The following PTP4A1 variants were observed in gnomAD, a reference collection of about 807,000 sequenced individuals.
The protein encoded by PTP4A1 is protein tyrosine phosphatase type IVA 1.
Under a neutral mutation model 20.5 loss-of-function variants are expected in PTP4A1, and 9 were observed. The observed-to-expected ratio is 0.44, with a 90% CI of 0.26 to 0.77. The LOEUF is 0.77. Among genes scored for constraint, PTP4A1 ranks in the 30% least tolerant of loss-of-function variants. PTP4A1 has a pLI of 0.19. For missense variants in PTP4A1, 137 were observed against 218.8 expected (o/e 0.63, Z 2.36); for synonymous variants, 78 against 67.4 (o/e 1.16, Z -0.77).
At chr6:63,578,366 C>T in intron 2 of PTP4A1, 71 bp from the exon 3 acceptor site, 1 of 1,489,538 alleles carries the variant, frequency 6.7e-7, no homozygotes, top group African/African-American at 1.4e-5. Context: ...CAGAGATGAT[C>T]AGAATATAAA....
At chr6:63,552,139 ACTAGTTTACAGTCCCACCAACAGT>A in intron 3 of PTP4A1, among the ~76,000 whole-genome samples, 1 of 152,278 alleles carries the variant, frequency 6.6e-6, no homozygotes, top group Admixed American at 6.5e-5. Flanking sequence ...CAATGGTTGA[ACTAGTTTACAGTCCCACCAACAGT>A]GTAAAAGTGT....
intron 2 of PTP4A1, 39 bp from the exon 3 acceptor site, chr6:63,578,398 G>T (rs1375042734): frequency 6.3e-7 from 1 of 1,587,138 alleles, no homozygotes; most frequent in Admixed American, 1.9e-5. Flanking sequence ...TAGTGATGTG[G>T]TTAAACATTA....
In PTP4A1 at chr6:63,572,548, C is replaced by G. The variant is rs1238846965; in HGVS notation, c.-617C>G. The G allele has an allele frequency of 1.8e-5, 7 of 397,884 alleles. No individual in the cohort carries two copies. In the Admixed American group the frequency reaches 1.8e-4, roughly 10 times the overall value. The allele number at this position is 397,884 out of a possible 1,614,324, so 24.6% of individuals were successfully genotyped here. A position where few individuals can be genotyped will look rare whatever the true frequency, so the allele number is the denominator to read the frequency against. On this transcript the variant is annotated 5_prime_UTR_variant, in exon 1 of 6. Coordinates refer to ENST00000626021, the MANE Select transcript of PTP4A1 (RefSeq NM_003463.5). Reference sequence around the variant, plus strand: ...GCTACGCGCTCTGCTCCGAGCCGCTCACTGCATGGTAGAGTCTGGTGCCCC... The same window carrying G: ...GCTACGCGCTCTGCTCCGAGCCGCTGACTGCATGGTAGAGTCTGGTGCCCC...
intron 2 of PTP4A1, among the ~76,000 whole-genome samples, chr6:63,530,629 G>GA (rs1446949086): frequency 4.0e-5 from 6 of 151,562 alleles, no homozygotes; most frequent in Admixed American, 3.9e-4. Context: ...GGGAATAATA[G>GA]AAAAAAAGGA....
chr6:63,547,346 T>A (rs536563124), intron 2 of PTP4A1, among the ~76,000 whole-genome samples: 1 of 140,920 alleles, frequency 7.1e-6, no homozygotes, highest in African/African-American at 2.6e-5. Flanking sequence ...TGTGCCACCA[T>A]GCCTAGCTAA....
At chr6:63,564,489 T>G (rs999087960) in intron 3 of PTP4A1, among the ~76,000 whole-genome samples, 5 of 152,206 alleles carry the variant, frequency 3.3e-5, no homozygotes, top group African/African-American at 1.2e-4. Flanking sequence ...TGCAGGAAAT[T>G]GTTCAACAAC....
intron 3 of PTP4A1, among the ~76,000 whole-genome samples, chr6:63,554,723 G>T (rs1776602038): frequency 1.3e-5 from 2 of 152,154 alleles, no homozygotes; most frequent in Non-Finnish European, 2.9e-5. Context: ...GGAGGCAGAG[G>T]TTGCAGTGAG....
Position 63,548,058 on chromosome 6 carries a change from A to G in PTP4A1, c.-639-2242A>G, listed in dbSNP as rs552823432. ...TGTTTCTTTTCTGCCCACATCCCCC[A>G]TATTCCAAAACCCACTACTCATCCA... On this transcript the variant is annotated intron_variant, in intron 2 of 3. Transcript: ENST00000639568. Among the ~76,000 whole-genome samples, 7 of 152,130 alleles carry G rather than the reference A, an allele frequency of 4.6e-5. No individual in the cohort carries two copies. The East Asian group carries it at 1.4e-3, about 29-fold the overall frequency.
chr6:63,534,704 T>G lies in PTP4A1; in HGVS notation c.-640+6620T>G, dbSNP rs561323840. Reference sequence around the variant, plus strand: ...GGCTCATGCCTGTAACCCCAGCACTTTGGGAGGCTGAGGCAGGTGGATCAC... The same window carrying G: ...GGCTCATGCCTGTAACCCCAGCACTGTGGGAGGCTGAGGCAGGTGGATCAC... On this transcript the variant is annotated intron_variant, in intron 2 of 3. Transcript: ENST00000639568. Among the ~76,000 whole-genome samples, 298 of 151,354 alleles carry G rather than the reference T, an allele frequency of 2.0e-3. 2 individuals are homozygous for G. Among genetic ancestry groups the G allele is most frequent in the African/African-American group, 6.9e-3 (285 of 41,118 alleles).
upstream of PTP4A1, among the ~76,000 whole-genome samples, chr6:63,517,025 T>C (rs1303204219): frequency 6.6e-6 from 1 of 152,216 alleles, no homozygotes. Context: ...GATATTTATT[T>C]CTCTGTCTGC....
At chr6:63,577,791 A>G (rs1446293898) in intron 2 of PTP4A1, among the ~76,000 whole-genome samples, 3 of 151,742 alleles carry the variant, frequency 2.0e-5, no homozygotes, top group African/African-American at 7.3e-5. Flanking sequence ...ACCTCAGGTG[A>G]GCCACCACGC....
intron 3 of PTP4A1, among the ~76,000 whole-genome samples, chr6:63,553,210 C>T (rs537114219): frequency 3.9e-5 from 6 of 152,290 alleles, no homozygotes; most frequent in African/African-American, 7.2e-5. Context: ...TTGTGTGATA[C>T]AGCTTAGTTT....
intron 2 of PTP4A1, among the ~76,000 whole-genome samples, chr6:63,535,119 A>ATGT (rs1775662559): frequency 6.6e-6 from 1 of 152,110 alleles, no homozygotes; most frequent in East Asian, 1.9e-4. Context: ...TTTAGGTAAT[A>ATGT]AAATACATGG....
Position 63,583,410 on chromosome 6 carries a change from C to T in PTP4A1, c.*3236C>T, listed in dbSNP as rs183620608. 3 of 152,194 alleles carry T rather than the reference C, an allele frequency of 2.0e-5. No homozygotes were observed. The highest frequency in any genetic ancestry group is 1.9e-4 in the East Asian group (1 of 5,182). 9.4% of individuals were successfully genotyped at this position (152,194 alleles called of 1,614,324 possible). Reference sequence around the variant, plus strand: ...AGTGACATTTAATGTTTCTCCATTACGTTTGGGGTAACCAGCCTAAGTGGA... The same window carrying T: ...AGTGACATTTAATGTTTCTCCATTATGTTTGGGGTAACCAGCCTAAGTGGA... On this transcript the variant is annotated 3_prime_UTR_variant, in exon 6 of 6. Transcript: ENST00000626021.
intron 3 of PTP4A1, among the ~76,000 whole-genome samples, chr6:63,551,541 T>C (rs1396946462): frequency 6.6e-6 from 1 of 152,040 alleles, no homozygotes; most frequent in Non-Finnish European, 1.5e-5. Flanking sequence ...ATTAAGTTCA[T>C]TTTTTTTAAT....
intron 2 of PTP4A1, among the ~76,000 whole-genome samples, chr6:63,539,278 G>A (rs1775850804): frequency 6.6e-6 from 1 of 152,148 alleles, no homozygotes; most frequent in Admixed American, 6.5e-5. Context: ...TTAACAAAGA[G>A]ATAAAGAGTA....
intron 1 of PTP4A1, among the ~76,000 whole-genome samples, chr6:63,526,831 A>T (rs959680443): frequency 2.3e-5 from 3 of 132,354 alleles, no homozygotes; most frequent in Non-Finnish European, 4.8e-5. Context: ...ATATATATAT[A>T]TATATTTATT....
chr6:63,543,555 A>G (rs1488275974), intron 2 of PTP4A1, among the ~76,000 whole-genome samples: 1 of 152,246 alleles, frequency 6.6e-6, no homozygotes, highest in Admixed American at 6.5e-5. Flanking sequence ...AAATGCATCT[A>G]TGTATTCATA....
At chr6:63,579,181 G>A in intron 4 of PTP4A1, 76 bp from the exon 5 acceptor site, 1 of 1,469,370 alleles carries the variant, frequency 6.8e-7, no homozygotes, top group Non-Finnish European at 9.3e-7. Flanking sequence ...CTTCTGAGTT[G>A]GGGAATGTTT....
Sources: gnomAD v4.1 joint callset for allele counts (sites outside exome capture counted in the v4.1 genomes callset) on GRCh38, gnomAD v4.1.1 for gene constraint, MANE v1.5 for transcripts, NCBI Gene and HGNC (gene_info 2026-07-23, HGNC 2026-07-21) for gene names.